CBLB: variants seen among roughly 807,000 people sequenced by gnomAD.
CBLB encodes Cbl proto-oncogene B.
In CBLB, 31 loss-of-function variants were observed where a neutral mutation model predicts 104.9. That is an observed-to-expected ratio of 0.30 (90% CI 0.22 to 0.40). The LOEUF (loss-of-function observed/expected upper bound fraction) is 0.40, where lower values mean the gene tolerates loss of function less well. CBLB is among the 10% of genes least tolerant of loss of function. The pLI, the probability that CBLB is intolerant of heterozygous loss-of-function variation, is 1.00. For missense variants in CBLB, 1,062 were observed against 1,214.6 expected, an observed-to-expected ratio of 0.87 and a Z score of 1.87; for synonymous variants, 440 against 422.6, an observed-to-expected ratio of 1.04 and a Z score of -0.51.
chr3:105,668,075 T>C (rs1249212307), intron 18 of CBLB, among the ~76,000 whole-genome samples: 1 of 152,144 alleles, frequency 6.6e-6, no homozygotes, highest in East Asian at 1.9e-4. Flanking sequence ...AAGTATCTTA[T>C]TTTCTGTGGT....
chr3:105,818,724 A>G lies in CBLB; in HGVS notation c.419+34690T>C, dbSNP rs57184464. 6.4e-3 allele frequency among the ~76,000 whole-genome samples: 979 copies of G among 152,286 alleles called. 12 individuals carry two copies. Among genetic ancestry groups the G allele is most frequent in the African/African-American group, 0.023 (938 of 41,568 alleles). On this transcript the variant is annotated intron_variant, in intron 3 of 18. Transcript: ENST00000394030. ...GCAAAAATTCTTTAAACAATAAATTAAATACGAAAAGCATACAGATGTTCA... is the reference window on the plus strand; with the variant it reads ...GCAAAAATTCTTTAAACAATAAATTGAATACGAAAAGCATACAGATGTTCA...
chr3:105,711,364 T>C (rs1399798565), intron 10 of CBLB, among the ~76,000 whole-genome samples: 2 of 152,022 alleles, frequency 1.3e-5, no homozygotes, highest in Non-Finnish European at 1.5e-5. Context: ...CATGATAAAA[T>C]AGTCTAAGCA....
Position 105,782,877 on chromosome 3 carries a change from G to T in CBLB, c.420-6335C>A, listed in dbSNP as rs189909929. ...GTGAGCCAACTGAGCCCGGCCTGTG[G>T]TATTCTTTCCAACATGTTATCTACG... is the stretch of plus-strand genomic sequence containing the variant. On this transcript the variant is annotated intron_variant, in intron 3 of 18. Coordinates refer to ENST00000394030, the MANE Select transcript of CBLB (RefSeq NM_170662.5). Among the ~76,000 whole-genome samples the T allele has an allele frequency of 2.0e-5, 3 of 152,186 alleles. No homozygotes were observed. In the East Asian group the frequency reaches 5.8e-4, roughly 29 times the overall value.
At chr3:105,731,776 C>T (rs2074344694) in intron 9 of CBLB, among the ~76,000 whole-genome samples, 1 of 152,144 alleles carries the variant, frequency 6.6e-6, no homozygotes, top group Non-Finnish European at 1.5e-5. Context: ...TTGTATGATG[C>T]TTTGAACAAA....
At chr3:105,864,511 T>C (rs2092310455) in intron 2 of CBLB, among the ~76,000 whole-genome samples, 1 of 152,206 alleles carries the variant, frequency 6.6e-6, no homozygotes, top group South Asian at 2.1e-4. Flanking sequence ...CTGGGTCGGC[T>C]ATCAAATTAC....
chr3:105,706,215 C>T (rs995270757), intron 10 of CBLB, among the ~76,000 whole-genome samples: 11 of 152,140 alleles, frequency 7.2e-5, no homozygotes, highest in African/African-American at 2.7e-4. Flanking sequence ...TGAATATTGT[C>T]ATGACATTAC....
intron 3 of CBLB, among the ~76,000 whole-genome samples, chr3:105,780,648 G>GTTTTGTT (rs1560208517): frequency 3.0e-4 from 32 of 105,060 alleles, no homozygotes; most frequent in East Asian, 5.4e-4. Context: ...TACAATAAAA[G>GTTTTGTT]TTTTGTTTTT....
intron 18 of CBLB, among the ~76,000 whole-genome samples, chr3:105,665,442 T>TATATACACACAC (rs1182735970): frequency 1.5e-5 from 1 of 67,232 alleles, no homozygotes; most frequent in African/African-American, 4.9e-5. Flanking sequence ...TATATATATA[T>TATATACACACAC]ACACACACAC....
chr3:105,688,464 C>T (rs2152745031), intron 13 of CBLB, among the ~76,000 whole-genome samples: 1 of 152,176 alleles, frequency 6.6e-6, no homozygotes, highest in South Asian at 2.1e-4. Context: ...AGTGAATTTT[C>T]ACGCCAGCAC....
At chr3:105,739,827 G>A (rs915438887) in intron 7 of CBLB, among the ~76,000 whole-genome samples, 2 of 152,152 alleles carry the variant, frequency 1.3e-5, no homozygotes, top group African/African-American at 2.4e-5. Context: ...GAAACTGGCT[G>A]GGCACAGTGG....
At chr3:105,692,608 A>T (rs1376831858) in intron 13 of CBLB, among the ~76,000 whole-genome samples, 1 of 152,104 alleles carries the variant, frequency 6.6e-6, no homozygotes, top group Non-Finnish European at 1.5e-5. Context: ...AATCACTAAA[A>T]AATATTTTAG....
intron 3 of CBLB, among the ~76,000 whole-genome samples, chr3:105,813,733 T>C (rs2084632114): frequency 6.6e-6 from 1 of 152,182 alleles, no homozygotes; most frequent in African/African-American, 2.4e-5. Context: ...TAAGCAGCTA[T>C]ACATATGGAA....
At position 105,711,439 on chromosome 3, in the gene CBLB, T is replaced by A. The variant is rs562894641; in HGVS notation, c.1408-7266A>T. Among the ~76,000 whole-genome samples the A allele has an allele frequency of 4.5e-4, 69 of 152,110 alleles. 1 individual carries two copies. Among genetic ancestry groups the A allele is most frequent in the African/African-American group, 1.6e-3 (68 of 41,530 alleles). On this transcript the variant is annotated intron_variant, in intron 10 of 18. Coordinates refer to ENST00000394030, the MANE Select transcript of CBLB (RefSeq NM_170662.5). Reference sequence around the variant, plus strand: ...TTGTGAACAAAACAAAAATCAAGAGTATTTAAAATAGTAGCCTATACAGAA... The same window carrying A: ...TTGTGAACAAAACAAAAATCAAGAGAATTTAAAATAGTAGCCTATACAGAA...
chr3:105,837,383 A>C (rs993314752), intron 3 of CBLB, among the ~76,000 whole-genome samples: 1 of 152,366 alleles, frequency 6.6e-6, no homozygotes, highest in East Asian at 1.9e-4. Flanking sequence ...ATTCAGGGTC[A>C]TAAGTACAAC....
At chr3:105,680,720 T>A (rs2066216184) in intron 16 of CBLB, among the ~76,000 whole-genome samples, 2 of 152,246 alleles carry the variant, frequency 1.3e-5, no homozygotes. Flanking sequence ...AACAGCCAGT[T>A]CAGAAAAGCT....
At chr3:105,869,374 G>A (rs1328076825), upstream of CBLB, 1 of 1,342,504 alleles carries the variant, frequency 7.4e-7, no homozygotes, top group Non-Finnish European at 9.9e-7. Flanking sequence ...CGTCGGGACC[G>A]GGAGCCAAAG....
At position 105,867,611 on chromosome 3, in the gene CBLB, A is replaced by G; in HGVS notation, c.-14-20T>C. The stretch of plus-strand genomic sequence containing the variant: ...TTAGTTCTTTAAAAGGCAGATTTAA[A>G]AAAAGAAAAGTTAGTTGGTTTTGAA... On this transcript the variant is annotated intron_variant, in intron 1 of 18. Coordinates refer to ENST00000394030, the MANE Select transcript of CBLB (RefSeq NM_170662.5). 2 of 1,611,556 alleles carry G rather than the reference A, an allele frequency of 1.2e-6. No individual in the cohort carries two copies. Among genetic ancestry groups the G allele is most frequent in the Non-Finnish European group, 1.7e-6 (2 of 1,177,646 alleles).
intron 12 of CBLB, among the ~76,000 whole-genome samples, chr3:105,697,736 T>C (rs1271848423): frequency 6.6e-6 from 1 of 152,042 alleles, no homozygotes; most frequent in African/African-American, 2.4e-5. Context: ...AAGATTATCA[T>C]GCAAAGGTCA....
At chr3:105,811,252 T>A (rs1291826875) in intron 3 of CBLB, among the ~76,000 whole-genome samples, 1 of 152,278 alleles carries the variant, frequency 6.6e-6, no homozygotes, top group East Asian at 1.9e-4. Context: ...AGCTAAAAGG[T>A]ATAGTTAGTA....
Sources: allele counts gnomAD v4.1 joint callset (sites outside exome capture counted in the v4.1 genomes callset), GRCh38; gene constraint gnomAD v4.1.1; transcripts MANE v1.5; gene names NCBI Gene and HGNC (gene_info 2026-07-23, HGNC 2026-07-21).